Variants in TENM3 observed in about 807,000 individuals in gnomAD.
TENM3 encodes teneurin-3.
A neutral mutation model predicts 255.1 loss-of-function variants in TENM3; 63 were observed. The observed-to-expected ratio is 0.25, with a 90% CI of 0.20 to 0.30. The LOEUF is 0.30. TENM3 is among the 10% of genes least tolerant of loss of function. The pLI, the probability that TENM3 is intolerant of heterozygous loss-of-function variation, is 1.00. For synonymous variants in TENM3, 1,306 were observed against 1,322.3 expected (o/e 0.99, Z 0.27); for missense variants, 2,929 against 3,461.1 (o/e 0.85, Z 3.86).
the TENM3 span, among the ~76,000 whole-genome samples, chr4:181,509,088 G>A: frequency 4.0e-5 from 6 of 151,852 alleles, no homozygotes; most frequent in African/African-American, 1.4e-4. Context: ...CCTGCAACCC[G>A]AGATCATAGG....
At chr4:182,407,665 A>G (rs1769678989) in intron 3 of TENM3, among the ~76,000 whole-genome samples, 1 of 152,242 alleles carries the variant, frequency 6.6e-6, no homozygotes, top group African/African-American at 2.4e-5. Context: ...GGGCCCGAAC[A>G]TATTAAAGCT....
In TENM3 at chr4:182,291,327, G is replaced by T. The variant is rs1329911050; in HGVS notation, c.-75-32619G>T. Among the ~76,000 whole-genome samples the T allele has an allele frequency of 2.6e-5, 4 of 152,084 alleles. No individual in the cohort carries two copies. In the South Asian group the frequency reaches 8.3e-4, roughly 32 times the overall value. Reference sequence around the variant, plus strand: ...GTTTTACAAAGCTGCTTGAAAGAGGGTCTCCAAAGGCCACTTAGAGGCCAG... The same window carrying T: ...GTTTTACAAAGCTGCTTGAAAGAGGTTCTCCAAAGGCCACTTAGAGGCCAG... On this transcript the variant is annotated intron_variant, in intron 1 of 27. Transcript: ENST00000511685.
chr4:181,540,582 C>A, the TENM3 span, among the ~76,000 whole-genome samples: 1 of 152,182 alleles, frequency 6.6e-6, no homozygotes, highest in Admixed American at 6.5e-5. Flanking sequence ...GTAGCACATG[C>A]CCTTTCTATA....
the TENM3 span, among the ~76,000 whole-genome samples, chr4:181,456,760 T>A: frequency 1.3e-5 from 2 of 151,950 alleles, no homozygotes; most frequent in South Asian, 4.1e-4. Context: ...TACAATATTT[T>A]AGAAAATATT....
chr4:182,058,451 A>G, the TENM3 span, among the ~76,000 whole-genome samples: 1 of 152,196 alleles, frequency 6.6e-6, no homozygotes, highest in African/African-American at 2.4e-5. Context: ...CTTATTACAT[A>G]TATTTCATAA....
chr4:182,778,914 A>T (rs1011162828), intron 24 of TENM3, among the ~76,000 whole-genome samples: 1 of 148,134 alleles, frequency 6.8e-6, no homozygotes, highest in Non-Finnish European at 1.5e-5. Flanking sequence ...GTGTGTGTGT[A>T]TGTGTGTGTG....
At chr4:181,448,226 G>A in the TENM3 span, among the ~76,000 whole-genome samples, 1 of 135,924 alleles carries the variant, frequency 7.4e-6, no homozygotes, top group East Asian at 2.3e-4. Flanking sequence ...GAGTGCAGTG[G>A]CGCGATCTCG....
intron 18 of TENM3, among the ~76,000 whole-genome samples, chr4:182,738,884 G>GAGTC (rs11280769): frequency 1.3e-5 from 2 of 151,214 alleles, no homozygotes; most frequent in African/African-American, 4.9e-5. Context: ...ATTCTACAGT[G>GAGTC]AGTCAGTGAG....
intron 3 of TENM3, among the ~76,000 whole-genome samples, chr4:182,524,133 A>T (rs1308706650): frequency 6.6e-6 from 1 of 152,160 alleles, no homozygotes; most frequent in Non-Finnish European, 1.5e-5. Context: ...AGTCCAGTCT[A>T]TTAGAAGACA....
chr4:181,993,971 C>G, the TENM3 span, among the ~76,000 whole-genome samples: 1 of 152,072 alleles, frequency 6.6e-6, no homozygotes, highest in Non-Finnish European at 1.5e-5. Flanking sequence ...CTTTCCCTCT[C>G]CATTTGATAA....
intron 1 of TENM3, among the ~76,000 whole-genome samples, chr4:182,232,167 T>G (rs1756624408): frequency 6.6e-6 from 1 of 152,178 alleles, no homozygotes. Context: ...ACTGGCGTCT[T>G]CACTCCTCTG....
chr4:181,890,219 G>A, the TENM3 span, among the ~76,000 whole-genome samples: 5 of 152,310 alleles, frequency 3.3e-5, no homozygotes, highest in African/African-American at 4.8e-5. Flanking sequence ...CAAGACATCA[G>A]CCACCAGCTT....
chr4:182,299,569 A>C (rs1761722130), intron 1 of TENM3, among the ~76,000 whole-genome samples: 1 of 152,214 alleles, frequency 6.6e-6, no homozygotes, highest in Non-Finnish European at 1.5e-5. Flanking sequence ...AGGTCACAGA[A>C]ATTAGGAAGG....
chr4:182,299,222 A>G (rs1240906654), intron 1 of TENM3, among the ~76,000 whole-genome samples: 1 of 151,946 alleles, frequency 6.6e-6, no homozygotes, highest in Non-Finnish European at 1.5e-5. Context: ...TTGTTGAAAA[A>G]TGAAAAACAG....
chr4:182,066,609 T>A, the TENM3 span, among the ~76,000 whole-genome samples: 2 of 149,054 alleles, frequency 1.3e-5, no homozygotes, highest in African/African-American at 4.9e-5. Flanking sequence ...AATATATATA[T>A]ATATATATAT....
intron 3 of TENM3, among the ~76,000 whole-genome samples, chr4:182,547,266 T>C (rs1034842550): frequency 6.6e-6 from 1 of 152,166 alleles, no homozygotes; most frequent in Non-Finnish European, 1.5e-5. Flanking sequence ...AAATAGAAAG[T>C]AGAGTATAAT....
rs1196988776 is a variant in TENM3, at chr4:182,800,034, G to A, written c.7783G>A (p.Asp2595Asn). 1 of 1,599,210 alleles carries A rather than the reference G, an allele frequency of 6.3e-7. No individual in the cohort carries two copies. Among genetic ancestry groups the A allele is most frequent in the African/African-American group, 1.3e-5 (1 of 74,634 alleles). The change falls in exon 28 of 28, where the codon GAC becomes AAC. Residue 2595 changes from aspartate (D) to asparagine (N), a missense_variant. Physicochemically the swap from Asp to Asn is conservative, Grantham distance 23. Transcript: ENST00000511685. ...GAACGGCAGGACGCGCAGGTTCGCG[G>A]ACGTGGAGATGCAGTTCGGCGCGCT... is the stretch of plus-strand genomic sequence containing the variant. ...VVNGRTRRFA[D>N]VEMQFGALAL...
chr4:181,706,401 GTCA>G, the TENM3 span, among the ~76,000 whole-genome samples: 7 of 152,086 alleles, frequency 4.6e-5, no homozygotes, highest in African/African-American at 1.4e-4. Flanking sequence ...GCCTATAACA[GTCA>G]TCATCGTAAA....
At chr4:181,897,528 GA>G in the TENM3 span, among the ~76,000 whole-genome samples, 2 of 152,172 alleles carry the variant, frequency 1.3e-5, no homozygotes, top group Admixed American at 1.3e-4. Context: ...TTATGATACT[GA>G]CTTTAAGTTA....
Sources: allele counts gnomAD v4.1 joint callset (sites outside exome capture counted in the v4.1 genomes callset), GRCh38; gene constraint gnomAD v4.1.1; transcripts MANE v1.5; gene names NCBI Gene and HGNC (gene_info 2026-07-23, HGNC 2026-07-21).